The following SHISA9 variants were observed in gnomAD, a reference collection of about 807,000 sequenced individuals.
SHISA9 encodes the protein shisa family member 9, also known as protein shisa-9.
SHISA9 carries 13 observed loss-of-function variants against 38.0 expected under a neutral mutation model. That is an observed-to-expected ratio of 0.34 (90% CI 0.22 to 0.54). The LOEUF (loss-of-function observed/expected upper bound fraction) is 0.54, where lower values mean the gene tolerates loss of function less well. SHISA9 is among the 20% of genes least tolerant of loss of function. SHISA9 has a pLI of 0.91. For synonymous variants in SHISA9, 275 were observed against 242.0 expected, an observed-to-expected ratio of 1.14 and a Z score of -1.27; for missense variants, 538 against 575.8, an observed-to-expected ratio of 0.93 and a Z score of 0.67.
the SHISA9 span, among the ~76,000 whole-genome samples, chr16:13,502,982 T>C: frequency 1.3e-5 from 2 of 152,054 alleles, no homozygotes; most frequent in African/African-American, 4.8e-5. Context: ...GTGGTAGTAA[T>C]AAAACAATCA....
intron 2 of SHISA9, among the ~76,000 whole-genome samples, chr16:12,927,279 T>A (rs2071403320): frequency 6.6e-6 from 1 of 152,206 alleles, no homozygotes; most frequent in Admixed American, 6.5e-5. Flanking sequence ...TTAATGAAAC[T>A]AAGTATAATC....
At chr16:13,416,164 C>T in the SHISA9 span, among the ~76,000 whole-genome samples, 4 of 152,122 alleles carry the variant, frequency 2.6e-5, no homozygotes, top group Admixed American at 2.6e-4. Context: ...ATAAAATTCA[C>T]ACAAAGTTAA....
At chr16:13,550,980 G>A in the SHISA9 span, among the ~76,000 whole-genome samples, 18 of 152,160 alleles carry the variant, frequency 1.2e-4, no homozygotes, top group South Asian at 4.2e-4. Flanking sequence ...AAAATTAGCC[G>A]GGCATGTTGG....
intron 2 of SHISA9, among the ~76,000 whole-genome samples, chr16:12,928,280 C>T (rs543245393): frequency 9.9e-5 from 15 of 150,966 alleles, no homozygotes; most frequent in Admixed American, 7.3e-4. Flanking sequence ...AAATACTAGG[C>T]ACTGGGGCTT....
intron 4 of SHISA9, among the ~76,000 whole-genome samples, chr16:13,224,630 C>T (rs963443153): frequency 3.3e-5 from 5 of 152,140 alleles, no homozygotes; most frequent in African/African-American, 1.2e-4. Flanking sequence ...CAACCTCTGC[C>T]CTAAGTGGAG....
intron 2 of SHISA9, among the ~76,000 whole-genome samples, chr16:13,150,920 T>C (rs1414462257): frequency 6.6e-6 from 1 of 152,250 alleles, no homozygotes; most frequent in Non-Finnish European, 1.5e-5. Flanking sequence ...TTCTTCCTTT[T>C]TGCCCTCATC....
chr16:13,308,417 A>G, the SHISA9 span, among the ~76,000 whole-genome samples: 1 of 152,204 alleles, frequency 6.6e-6, no homozygotes, highest in Non-Finnish European at 1.5e-5. Flanking sequence ...TCTCATAACC[A>G]TGGCACTGAG....
the SHISA9 span, among the ~76,000 whole-genome samples, chr16:13,348,270 A>C: frequency 6.6e-6 from 1 of 152,070 alleles, no homozygotes; most frequent in Admixed American, 6.6e-5. Flanking sequence ...CTAATCCAAA[A>C]ATTCGTAATC....
the SHISA9 span, among the ~76,000 whole-genome samples, chr16:13,314,217 T>A: frequency 3.3e-5 from 5 of 152,000 alleles, no homozygotes; most frequent in Admixed American, 3.3e-4. Context: ...TTTTTTATTT[T>A]TTTATTTTTT....
chr16:13,107,472 G>GACACACACACACACAC (rs34291803), intron 2 of SHISA9, among the ~76,000 whole-genome samples: 6 of 144,326 alleles, frequency 4.2e-5, no homozygotes, highest in Non-Finnish European at 9.1e-5. Flanking sequence ...AAAAACAACA[G>GACACACACACACACAC]ACACACACAC....
intron 2 of SHISA9, among the ~76,000 whole-genome samples, chr16:13,202,687 TATA>T (rs1175548546): frequency 2.6e-5 from 4 of 152,212 alleles, no homozygotes; most frequent in African/African-American, 4.8e-5. Context: ...TCATATGTAT[TATA>T]ATAATTCATT....
chr16:13,019,927 CTTTCTTTCTTT>C (rs2072822864), intron 2 of SHISA9, among the ~76,000 whole-genome samples: 1 of 93,012 alleles, frequency 1.1e-5, no homozygotes, highest in Non-Finnish European at 2.2e-5. Context: ...TTCTTTCTTT[CTTTCTTTCTTT>C]CTTTCTTTCT....
the SHISA9 span, among the ~76,000 whole-genome samples, chr16:13,367,697 TGCGCGC>T: frequency 6.7e-4 from 78 of 116,152 alleles, 1 homozygote; most frequent in African/African-American, 2.0e-3. Context: ...CGCGTGTGCG[TGCGCGC>T]GCGCGCGCGC....
intron 2 of SHISA9, among the ~76,000 whole-genome samples, chr16:12,958,508 G>A (rs911972341): frequency 3.3e-5 from 5 of 152,222 alleles, no homozygotes; most frequent in Non-Finnish European, 7.3e-5. Flanking sequence ...GAGTGGGTAT[G>A]TGCTGGACAC....
intron 2 of SHISA9, among the ~76,000 whole-genome samples, chr16:12,990,802 C>T (rs1280365129): frequency 6.6e-6 from 1 of 152,128 alleles, no homozygotes; most frequent in Non-Finnish European, 1.5e-5. Flanking sequence ...GTTGAGAAAC[C>T]CCATTCTTAG....
intron 2 of SHISA9, among the ~76,000 whole-genome samples, chr16:13,006,164 T>C (rs34718550): frequency 0.18 from 27,934 of 152,144 alleles, 3,338 homozygotes; most frequent in Middle Eastern, 0.31. Flanking sequence ...TGTGAGCGTT[T>C]GCATGATTTG....
At position 13,239,584 on chromosome 16, in the gene SHISA9, C is replaced by T. The variant is rs1002498819; in HGVS notation, c.*4175C>T. 4.6e-5 allele frequency: 7 copies of T among 152,130 alleles called. No individual in the cohort carries two copies. Among genetic ancestry groups the T allele is most frequent in the Non-Finnish European group, 1.0e-4 (7 of 68,024 alleles). 9.4% of individuals were successfully genotyped at this position (152,130 alleles called of 1,614,324 possible). The stretch of plus-strand genomic sequence containing the variant: ...GTTTTGATTTGCATTTCTCTGATGG[C>T]CAGTGATGATGAGCATTTTTTCATG... On this transcript the variant is annotated 3_prime_UTR_variant, in exon 5 of 5. Coordinates refer to ENST00000558583, the MANE Select transcript of SHISA9 (RefSeq NM_001145204.3).
the SHISA9 span, among the ~76,000 whole-genome samples, chr16:13,515,058 GA>G: frequency 3.3e-5 from 5 of 152,018 alleles, no homozygotes; most frequent in Admixed American, 6.6e-5. Context: ...AAGTACTAAA[GA>G]AAAAAGTCTG....
intron 3 of SHISA9, 138 bp from the exon 4 acceptor site, chr16:13,213,108 CTTCCCTG>C (rs2051135642): frequency 1.5e-6 from 1 of 657,868 alleles, no homozygotes; most frequent in Non-Finnish European, 2.7e-6. Context: ...ACGTGGCTCC[CTTCCCTG>C]TTCCCTGGGT....
Sources: allele counts gnomAD v4.1 joint callset (sites outside exome capture counted in the v4.1 genomes callset), GRCh38; gene constraint gnomAD v4.1.1; transcripts MANE v1.5; gene names NCBI Gene and HGNC (gene_info 2026-07-23, HGNC 2026-07-21).